ORC2: variants seen among roughly 807,000 people sequenced by gnomAD.
ORC2 encodes origin recognition complex protein 2 homolog.
Under a neutral mutation model 77.7 loss-of-function variants are expected in ORC2, and 37 were observed. That is an observed-to-expected ratio of 0.48 (90% CI 0.37 to 0.63). ORC2 has a LOEUF of 0.63. ORC2 is among the 20% of genes least tolerant of loss of function. ORC2 has a pLI of 0.00. For missense variants in ORC2, 557 were observed against 661.9 expected, an observed-to-expected ratio of 0.84 and a Z score of 1.74; for synonymous variants, 201 against 229.5, an observed-to-expected ratio of 0.88 and a Z score of 1.12.
Position 200,932,791 on chromosome 2 carries a change from T to C in ORC2, c.807+1085A>G, listed in dbSNP as rs560656174. Among the ~76,000 whole-genome samples, 9 of 152,304 alleles carry C rather than the reference T, an allele frequency of 5.9e-5. No homozygotes were observed. In the South Asian group the frequency reaches 1.9e-3, roughly 32 times the overall value. On this transcript the variant is annotated intron_variant, in intron 10 of 17. Coordinates refer to ENST00000234296, the MANE Select transcript of ORC2 (RefSeq NM_006190.5). Reference sequence around the variant, plus strand: ...ACTTTTCCTCTTATGCCTCTGCCACTGTCATGAGGATAACATGCCTCAGCT... The same window carrying C: ...ACTTTTCCTCTTATGCCTCTGCCACCGTCATGAGGATAACATGCCTCAGCT...
intron 15 of ORC2, among the ~76,000 whole-genome samples, chr2:200,918,939 C>T (rs1402026304): frequency 3.3e-5 from 5 of 152,180 alleles, no homozygotes; most frequent in East Asian, 3.9e-4. Flanking sequence ...GGCGCAATCT[C>T]GGCTCCCTTC....
chr2:200,912,694 A>C (rs2040572806), intron 17 of ORC2, among the ~76,000 whole-genome samples: 1 of 152,008 alleles, frequency 6.6e-6, no homozygotes. Context: ...TGCTGGGATC[A>C]CAGGCGTGAG....
At chr2:200,962,619 T>A (rs1288425184) in intron 1 of ORC2, among the ~76,000 whole-genome samples, 5 of 152,194 alleles carry the variant, frequency 3.3e-5, no homozygotes, top group African/African-American at 1.2e-4. Flanking sequence ...CTTTTTTAGC[T>A]CCTTACTGCA....
intron 13 of ORC2, among the ~76,000 whole-genome samples, chr2:200,923,494 C>A (rs1476093000): frequency 1.3e-5 from 2 of 152,168 alleles, no homozygotes; most frequent in Non-Finnish European, 2.9e-5. Context: ...AAGTGATCCA[C>A]CTGCCTCGGC....
Position 200,957,461 on chromosome 2 carries a change from C to T in ORC2, c.178G>A (p.Asp60Asn), listed in dbSNP as rs780429734. 2 of 1,611,192 alleles carry T rather than the reference C, an allele frequency of 1.2e-6. No individual in the cohort carries two copies. The highest frequency in any genetic ancestry group is 1.7e-5 in the Admixed American group (1 of 59,732). The change falls in exon 4 of 18, where the codon GAT becomes AAT. Residue 60 changes from aspartate to asparagine, a missense_variant. Physicochemically the swap from Asp to Asn is conservative, Grantham distance 23. Transcript: ENST00000234296. ...IKKPEYDLEE[D>N]DQEVLKDQNY... ...TGATCTTTTAAGACCTCCTGGTCAT[C>T]TTCCTCCAAATCATATTCTGGCTTC... is the stretch of plus-strand genomic sequence containing the variant.
chr2:200,914,429 G>A (rs2040605994), intron 15 of ORC2, among the ~76,000 whole-genome samples: 1 of 152,068 alleles, frequency 6.6e-6, no homozygotes, highest in Non-Finnish European at 1.5e-5. Flanking sequence ...GCCTCCCAAA[G>A]TGCTGGGATT....
chr2:200,930,048 T>C (rs1559011618), intron 11 of ORC2, among the ~76,000 whole-genome samples: 1 of 152,018 alleles, frequency 6.6e-6, no homozygotes, highest in Non-Finnish European at 1.5e-5. Flanking sequence ...GAGTCATTCA[T>C]ATACAGAAAA....
At chr2:200,944,069 T>C (rs1209825142) in intron 5 of ORC2, among the ~76,000 whole-genome samples, 5 of 152,218 alleles carry the variant, frequency 3.3e-5, no homozygotes, top group Non-Finnish European at 5.9e-5. Context: ...TTTGGTGTTA[T>C]ACTGAAACAT....
In ORC2 at chr2:200,913,299, T is replaced by G; in HGVS notation, c.1643A>C (p.Lys548Thr). Residue 548 changes from lysine to threonine, a missense_variant, in exon 17 of 18, where the codon AAG (lysine) becomes ACG (threonine). By Grantham distance (78) the Lys-to-Thr change is moderately conservative (BLOSUM62 -1). Coordinates refer to ENST00000234296, the MANE Select transcript of ORC2 (RefSeq NM_006190.5). ...GCTACAATAGTGGAGTCTTACCTTC[T>G]TTGTTCTTATAAGCTTGTGGTCCCT... Reference protein sequence around the residue: ...EFRDHKLIRTKKGTDGVEYLL... With the variant: ...EFRDHKLIRTTKGTDGVEYLL... The G allele has an allele frequency of 6.3e-7, 1 of 1,592,454 alleles. No homozygotes were observed. The highest frequency in any genetic ancestry group is 8.6e-7 in the Non-Finnish European group (1 of 1,166,224).
intron 4 of ORC2, among the ~76,000 whole-genome samples, chr2:200,949,998 T>A (rs1185283412): frequency 6.6e-6 from 1 of 152,138 alleles, no homozygotes; most frequent in African/African-American, 2.4e-5. Context: ...AGATGAAAAG[T>A]ACAATTGTTG....
intron 11 of ORC2, 98 bp from the exon 12 acceptor site, chr2:200,926,998 A>G (rs1000098761): frequency 1.5e-6 from 2 of 1,302,988 alleles, no homozygotes; most frequent in Non-Finnish European, 2.2e-6. Flanking sequence ...TATAAAAAAT[A>G]CAGGAAAGGG....
chr2:200,916,943 C>T (rs1482840559), intron 15 of ORC2, among the ~76,000 whole-genome samples: 1 of 149,040 alleles, frequency 6.7e-6, no homozygotes, highest in East Asian at 2.0e-4. Flanking sequence ...ATCTGCCCGC[C>T]TTGGCCTCAC....
chr2:200,923,545 C>T (rs990356993), intron 13 of ORC2, among the ~76,000 whole-genome samples: 4 of 152,246 alleles, frequency 2.6e-5, no homozygotes, highest in South Asian at 4.1e-4. Context: ...CCACCGCATC[C>T]GGCTTAAGGG....
chr2:200,948,571 T>C (rs1468575337), intron 5 of ORC2, among the ~76,000 whole-genome samples: 1 of 152,034 alleles, frequency 6.6e-6, no homozygotes, highest in Non-Finnish European at 1.5e-5. Flanking sequence ...TTTTTGTTTG[T>C]TTGTTTTTTG....
At chr2:200,947,154 G>A (rs941715084) in intron 5 of ORC2, among the ~76,000 whole-genome samples, 1 of 151,720 alleles carries the variant, frequency 6.6e-6, no homozygotes, top group African/African-American at 2.4e-5. Context: ...CACCTACCTC[G>A]GCCTCCCAAA....
intron 5 of ORC2, among the ~76,000 whole-genome samples, chr2:200,945,870 G>C (rs1429572456): frequency 6.6e-6 from 1 of 151,936 alleles, no homozygotes; most frequent in Admixed American, 6.6e-5. Context: ...GAACACGGGA[G>C]TGCAGATATC....
At chr2:200,912,158 C>T (rs1305356442) in intron 17 of ORC2, among the ~76,000 whole-genome samples, 1 of 152,182 alleles carries the variant, frequency 6.6e-6, no homozygotes, top group East Asian at 1.9e-4. Context: ...GCCTTATCTC[C>T]TAGCTCTCTA....
intron 15 of ORC2, among the ~76,000 whole-genome samples, chr2:200,917,836 T>A (rs1431252384): frequency 1.3e-5 from 2 of 151,796 alleles, no homozygotes. Context: ...AACAAAAAGT[T>A]AATCCCTCCA....
At chr2:200,962,323 G>C (rs954660922) in intron 1 of ORC2, among the ~76,000 whole-genome samples, 1 of 152,260 alleles carries the variant, frequency 6.6e-6, no homozygotes, top group Non-Finnish European at 1.5e-5. Flanking sequence ...GCAGCACCAA[G>C]TGTTAGCATT....
Sources: gnomAD v4.1 joint callset for allele counts (sites outside exome capture counted in the v4.1 genomes callset) on GRCh38, gnomAD v4.1.1 for gene constraint, MANE v1.5 for transcripts, NCBI Gene and HGNC (gene_info 2026-07-23, HGNC 2026-07-21) for gene names.